The following PHF14 variants were observed in gnomAD, a reference collection of about 807,000 sequenced individuals.
PHF14 encodes the protein PHD finger protein 14.
Under a neutral mutation model 117.9 loss-of-function variants are expected in PHF14, and 55 were observed. The ratio of observed to expected loss-of-function variants is 0.47; its 90% CI spans 0.38 to 0.58. The LOEUF is 0.58. Ranked by LOEUF, PHF14 falls within the 20% of genes least tolerant of loss-of-function variation. PHF14 has a pLI of 0.00. For synonymous variants in PHF14, 409 were observed against 368.6 expected, an observed-to-expected ratio of 1.11 and a Z score of -1.26; for missense variants, 978 against 1,122.2, an observed-to-expected ratio of 0.87 and a Z score of 1.84.
At chr7:10,981,481 G>T (rs1164549928) in intron 2 of PHF14, among the ~76,000 whole-genome samples, 6 of 152,178 alleles carry the variant, frequency 3.9e-5, no homozygotes, top group Non-Finnish European at 8.8e-5. Flanking sequence ...AGTAGTGTTG[G>T]GTTGAGAGGG....
intron 16 of PHF14, among the ~76,000 whole-genome samples, chr7:11,081,309 C>T (rs745500807): frequency 1.1e-3 from 167 of 152,230 alleles, no homozygotes; most frequent in Non-Finnish European, 2.0e-3. Context: ...AAAGTAACAG[C>T]ACTTGGAGGA....
rs1246221669 is a variant in PHF14, at chr7:11,169,464, A to G, written c.2821A>G (p.Met941Val). The part of the protein sequence containing the change: ...ERKNISQELN[M>V]EQKNPKK The stretch of plus-strand genomic sequence containing the variant: ...AAAAAATATATCTCAGGAGCTCAAC[A>G]TGGAACAGAAAAATCCAAAGAAATA... The change falls in exon 18 of 18, where the codon ATG (methionine) becomes GTG (valine). Residue 941 changes from methionine (M) to valine (V), a missense_variant. By Grantham distance (21) the Met-to-Val change is conservative. Around this residue, in one of 7 missense-constraint regions of PHF14, gnomAD observed 180 missense variants for 195.4 expected, o/e 0.92. Transcript: ENST00000634607. 1 of 1,519,334 alleles carries G rather than the reference A, an allele frequency of 6.6e-7. No homozygotes were observed. Among genetic ancestry groups the G allele is most frequent in the Non-Finnish European group, 8.9e-7 (1 of 1,122,108 alleles). The allele number at this position is 1,519,334 out of a possible 1,614,324, so 94.1% of individuals were successfully genotyped here. A position where few individuals can be genotyped will look rare whatever the true frequency, so the allele number is the denominator to read the frequency against.
chr7:11,027,165 A>G (rs1027174392), intron 6 of PHF14, among the ~76,000 whole-genome samples: 1 of 152,186 alleles, frequency 6.6e-6, no homozygotes, highest in African/African-American at 2.4e-5. Context: ...TATCCAGATA[A>G]TCTAAACAAT....
intron 4 of PHF14, among the ~76,000 whole-genome samples, chr7:11,001,275 C>A (rs1192024519): frequency 6.6e-6 from 1 of 152,080 alleles, no homozygotes; most frequent in South Asian, 2.1e-4. Context: ...TTGATTAATA[C>A]CACACTGTCT....
In PHF14 at chr7:10,982,504, A is replaced by C. The variant is rs747674000; in HGVS notation, c.245A>C (p.Lys82Thr). ...ATTAAAGTAAAAGAAGAACAACTTA[A>C]AAATTCTGCAGAGGAAGAAGTACTA... ...EDIKVKEEQL[K>T]NSAEEEVLSS... Residue 82 changes from lysine to threonine, a missense_variant, in exon 3 of 18, where the codon AAA (lysine) becomes ACA (threonine). Lys to Thr is a moderately conservative substitution (Grantham distance 78, BLOSUM62 -1). Transcript: ENST00000634607. The C allele has an allele frequency of 3.8e-6, 6 of 1,558,684 alleles. No homozygotes were observed. The highest frequency in any genetic ancestry group is 4.4e-6 in the Non-Finnish European group (5 of 1,141,632).
chr7:11,052,326 T>G (rs973255149), intron 14 of PHF14, among the ~76,000 whole-genome samples: 86 of 152,354 alleles, frequency 5.6e-4, no homozygotes, highest in African/African-American at 1.9e-3. Context: ...AGTTTATTTA[T>G]TGTCACTAAT....
chr7:11,133,481 C>G (rs557389073), intron 17 of PHF14, among the ~76,000 whole-genome samples: 28 of 151,728 alleles, frequency 1.8e-4, no homozygotes, highest in Non-Finnish European at 3.2e-4. Context: ...ATTTTTAATG[C>G]AAAATGGTTG....
At chr7:11,163,049 A>T (rs1789095759) in intron 17 of PHF14, among the ~76,000 whole-genome samples, 1 of 152,162 alleles carries the variant, frequency 6.6e-6, no homozygotes, top group Admixed American at 6.5e-5. Context: ...TTTAAAAAAT[A>T]TTTACTATTA....
intron 16 of PHF14, among the ~76,000 whole-genome samples, chr7:11,069,670 C>A (rs1286647072): frequency 2.4e-5 from 3 of 123,750 alleles, no homozygotes; most frequent in Non-Finnish European, 5.1e-5. Flanking sequence ...CCTTTCCGTC[C>A]CCTCCCTTTC....
intron 17 of PHF14, among the ~76,000 whole-genome samples, chr7:11,156,698 G>C (rs1175919573): frequency 6.6e-6 from 1 of 152,166 alleles, no homozygotes; most frequent in African/African-American, 2.4e-5. Context: ...GGGAAGCTGA[G>C]GCAGGAGAAT....
intron 17 of PHF14, among the ~76,000 whole-genome samples, chr7:11,160,335 C>T (rs578038212): frequency 9.9e-5 from 15 of 152,082 alleles, no homozygotes; most frequent in Admixed American, 1.3e-4. Context: ...TACATGTCTT[C>T]GCTATTATGA....
intron 7 of PHF14, among the ~76,000 whole-genome samples, chr7:11,034,064 T>G (rs1026874404): frequency 6.6e-6 from 1 of 152,224 alleles, no homozygotes; most frequent in Non-Finnish European, 1.5e-5. Context: ...CTTCAAATTC[T>G]GTGATACACA....
At chr7:11,084,481 G>C (rs1339320640) in intron 16 of PHF14, among the ~76,000 whole-genome samples, 4 of 141,446 alleles carry the variant, frequency 2.8e-5, no homozygotes, top group Admixed American at 2.3e-4. Flanking sequence ...AGCTATTATA[G>C]GGTTTACTCT....
At chr7:11,013,625 T>G in intron 4 of PHF14, 122 bp from the exon 5 acceptor site, 1 of 539,296 alleles carries the variant, frequency 1.9e-6, no homozygotes, top group South Asian at 3.3e-5. Context: ...AATACGTTTC[T>G]TATAAACCAT....
intron 17 of PHF14, among the ~76,000 whole-genome samples, chr7:11,136,958 G>T (rs1235496049): frequency 6.6e-6 from 1 of 152,072 alleles, no homozygotes; most frequent in Non-Finnish European, 1.5e-5. Context: ...AAATATTCAA[G>T]AAATAACCAC....
intron 3 of PHF14, among the ~76,000 whole-genome samples, chr7:10,987,449 G>C (rs953250939): frequency 1.3e-5 from 2 of 152,002 alleles, no homozygotes; most frequent in African/African-American, 4.8e-5. Context: ...TGAACAGTAA[G>C]TATATTTTAG....
intron 13 of PHF14, among the ~76,000 whole-genome samples, chr7:11,050,159 CAATT>C (rs1784807380): frequency 6.6e-6 from 1 of 151,984 alleles, no homozygotes; most frequent in South Asian, 2.1e-4. Context: ...GTCACTTTGA[CAATT>C]AAATATTAGT....
intron 17 of PHF14, among the ~76,000 whole-genome samples, chr7:11,126,775 G>GAA (rs748777005): frequency 1.0e-5 from 1 of 100,152 alleles, no homozygotes; most frequent in Non-Finnish European, 2.2e-5. Flanking sequence ...GCAATAGGAT[G>GAA]AAAAAAAAAA....
chr7:11,022,737 G>A, intron 5 of PHF14, 131 bp from the exon 6 acceptor site: 1 of 484,760 alleles, frequency 2.1e-6, no homozygotes, highest in Non-Finnish European at 3.7e-6. Context: ...GCCTGAGATT[G>A]CGAGATTTTA....
Sources: allele counts gnomAD v4.1 joint callset (sites outside exome capture counted in the v4.1 genomes callset), GRCh38; gene constraint gnomAD v4.1.1; regional missense constraint gnomAD v4.1.1; transcripts MANE v1.5; gene names NCBI Gene and HGNC (gene_info 2026-07-23, HGNC 2026-07-21).